Variants in ATP2B1 observed in about 807,000 individuals in gnomAD.
ATP2B1 encodes plasma membrane calcium-transporting ATPase 1.
Under a neutral mutation model 124.2 loss-of-function variants are expected in ATP2B1, and 14 were observed. The ratio of observed to expected loss-of-function variants is 0.11; its 90% CI spans 0.07 to 0.18. ATP2B1 has a LOEUF of 0.18. Ranked by LOEUF, ATP2B1 falls within the 10% of genes least tolerant of loss-of-function variation. The pLI, the probability that ATP2B1 is intolerant of heterozygous loss-of-function variation, is 1.00. For synonymous variants in ATP2B1, 449 were observed against 492.4 expected (o/e 0.91, Z 1.17); for missense variants, 763 against 1,466.1 (o/e 0.52, Z 7.83).
chr12:89,682,036 A>G (rs1477754464), intron 1 of ATP2B1, among the ~76,000 whole-genome samples: 1 of 152,166 alleles, frequency 6.6e-6, no homozygotes, highest in African/African-American at 2.4e-5. Context: ...AATTCAATGA[A>G]ACAACTAAAT....
chr12:89,664,540 C>T (rs764717667), intron 1 of ATP2B1, among the ~76,000 whole-genome samples: 19 of 152,188 alleles, frequency 1.2e-4, no homozygotes, highest in Non-Finnish European at 2.9e-5. Context: ...TTTACCAAAA[C>T]CAGAACAAAC....
At chr12:89,614,903 A>G (rs188554995) in intron 12 of ATP2B1, among the ~76,000 whole-genome samples, 1 of 152,204 alleles carries the variant, frequency 6.6e-6, no homozygotes, top group African/African-American at 2.4e-5. Context: ...GATCACTGCA[A>G]TAATCTCATT....
At chr12:89,706,088 A>T (rs1892420611) in intron 1 of ATP2B1, among the ~76,000 whole-genome samples, 1 of 152,224 alleles carries the variant, frequency 6.6e-6, no homozygotes, top group African/African-American at 2.4e-5. Flanking sequence ...GAAGGGAAAG[A>T]AATCTCAACT....
intron 5 of ATP2B1, among the ~76,000 whole-genome samples, chr12:89,631,695 C>T (rs1049395562): frequency 3.3e-5 from 5 of 152,262 alleles, no homozygotes; most frequent in African/African-American, 1.2e-4. Context: ...AATTTCATTA[C>T]AGAAAACTAG....
chr12:89,681,870 T>C (rs1340501057), intron 1 of ATP2B1, among the ~76,000 whole-genome samples: 1 of 152,184 alleles, frequency 6.6e-6, no homozygotes, highest in East Asian at 1.9e-4. Context: ...GGATGCCTGC[T>C]AGTTCCACTA....
chr12:89,688,456 T>C (rs752753493), intron 1 of ATP2B1, among the ~76,000 whole-genome samples: 2 of 152,138 alleles, frequency 1.3e-5, no homozygotes, highest in Non-Finnish European at 2.9e-5. Flanking sequence ...TACATTTTAA[T>C]GAAACTATTT....
intron 2 of ATP2B1, among the ~76,000 whole-genome samples, chr12:89,654,513 A>G (rs1405031897): frequency 2.0e-5 from 3 of 152,194 alleles, no homozygotes; most frequent in Non-Finnish European, 4.4e-5. Context: ...CAAATAGTCT[A>G]AAGAAGCCCT....
chr12:89,595,681 A>T (rs1208551114), intron 20 of ATP2B1, among the ~76,000 whole-genome samples: 2 of 152,134 alleles, frequency 1.3e-5, no homozygotes, highest in African/African-American at 2.4e-5. Flanking sequence ...ACATAGTTCT[A>T]TATTTTGGCT....
chr12:89,620,275 G>A (rs767669736), intron 10 of ATP2B1, 35 bp from the exon 11 acceptor site: 24 of 1,604,500 alleles, frequency 1.5e-5, no homozygotes, highest in South Asian at 4.4e-5. Flanking sequence ...CTAGTATCTC[G>A]TTTCTCTAAG....
intron 12 of ATP2B1, 117 bp from the exon 13 acceptor site, chr12:89,611,489 A>G: frequency 1.3e-6 from 1 of 780,592 alleles, no homozygotes; most frequent in Non-Finnish European, 1.9e-6. Context: ...CAATGATACA[A>G]TGACTTAATA....
intron 1 of ATP2B1, among the ~76,000 whole-genome samples, chr12:89,676,915 C>T (rs1033875035): frequency 7.9e-5 from 12 of 152,080 alleles, no homozygotes; most frequent in Non-Finnish European, 1.2e-4. Context: ...CTTTTCTACA[C>T]GGTGGCAAAT....
chr12:89,603,063 A>T lies in ATP2B1; in HGVS notation c.3040T>A (p.Leu1014Ile). The change falls in exon 18 of 21, where the codon TTA becomes ATA. Residue 1014 changes from leucine (L) to isoleucine (I), a missense_variant. This residue lies in a region of ATP2B1 where 118 missense variants were observed against 240.3 expected (regional missense o/e 0.49). Coordinates refer to ENST00000428670, the MANE Select transcript of ATP2B1 (RefSeq NM_001366521.1). The surrounding 1 kb of genome is among the most constrained non-coding windows in gnomAD (Gnocchi z 4.3). ...FNNAIFCTIVLGTFVVQIIIV... is the reference protein window; with the variant it reads ...FNNAIFCTIVIGTFVVQIIIV... ...CCCACCTGTACCACAAAAGTGCCTA[A>T]AACAATTGTGCAGAAGATGGCATTG... is the stretch of plus-strand genomic sequence containing the variant. 1 of 1,613,760 alleles carries T rather than the reference A, an allele frequency of 6.2e-7. No individual in the cohort carries two copies.
chr12:89,657,896 G>C (rs1886146946), intron 1 of ATP2B1, among the ~76,000 whole-genome samples: 1 of 152,176 alleles, frequency 6.6e-6, no homozygotes. Context: ...AGATGTGACA[G>C]TTACAGATTC....
At chr12:89,595,892 A>AAAAC (rs1293317158) in intron 20 of ATP2B1, among the ~76,000 whole-genome samples, 3 of 152,100 alleles carry the variant, frequency 2.0e-5, no homozygotes, top group Non-Finnish European at 4.4e-5. Flanking sequence ...CAACAACTAC[A>AAAAC]AACTTTCCTT....
At chr12:89,673,133 A>G (rs1888194281) in intron 1 of ATP2B1, among the ~76,000 whole-genome samples, 1 of 152,188 alleles carries the variant, frequency 6.6e-6, no homozygotes, top group South Asian at 2.1e-4. Flanking sequence ...TGGAGAAGCT[A>G]TCTCATAGTA....
chr12:89,703,032 T>C (rs1191010085), intron 1 of ATP2B1, among the ~76,000 whole-genome samples: 2 of 152,214 alleles, frequency 1.3e-5, no homozygotes, highest in Admixed American at 6.5e-5. Context: ...CTATGATTCC[T>C]AAATAAACCT....
intron 1 of ATP2B1, among the ~76,000 whole-genome samples, chr12:89,689,787 C>T (rs1890350387): frequency 6.6e-6 from 1 of 152,120 alleles, no homozygotes; most frequent in South Asian, 2.1e-4. Flanking sequence ...CTTCCTCATA[C>T]ACATAGTACA....
chr12:89,708,009 G>A (rs527713390), intron 1 of ATP2B1, among the ~76,000 whole-genome samples: 2 of 152,310 alleles, frequency 1.3e-5, no homozygotes, highest in African/African-American at 4.8e-5. Context: ...GACGGAAGGC[G>A]TGAGGAGAAA....
rs1359611552 is a variant in ATP2B1 at position 89,655,702 on chromosome 12, T to A, written c.185A>T (p.Lys62Ile). ...ACCTTCATTGGGAGATGTTTTCAAT[T>A]TGGTGCAAATTCCATAGACATCTCC... ...SYGDVYGICT[K>I]LKTSPNEGLS... Residue 62 changes from lysine (K) to isoleucine (I), a missense_variant, in exon 2 of 21, where the codon AAA becomes ATA. By Grantham distance (102) the Lys-to-Ile change is moderately radical. Around this residue, in one of 7 missense-constraint regions of ATP2B1, gnomAD observed 93 missense variants for 112.7 expected, o/e 0.83. Transcript: ENST00000428670. 1 of 1,614,156 alleles carries A rather than the reference T, an allele frequency of 6.2e-7. No individual in the cohort carries two copies. Among genetic ancestry groups the A allele is most frequent in the Admixed American group, 1.7e-5 (1 of 60,024 alleles).
Sources: allele counts gnomAD v4.1 joint callset (sites outside exome capture counted in the v4.1 genomes callset), GRCh38; gene constraint gnomAD v4.1.1; regional missense constraint gnomAD v4.1.1; non-coding constraint Gnocchi (gnomAD v3.1); transcripts MANE v1.5; gene names NCBI Gene and HGNC (gene_info 2026-07-23, HGNC 2026-07-21).